Variants in RASSF3 observed in about 807,000 individuals in gnomAD.
RASSF3 encodes ras association domain-containing protein 3.
RASSF3 carries 19 observed loss-of-function variants against 19.9 expected under a neutral mutation model. The ratio of observed to expected loss-of-function variants is 0.96; its 90% CI spans 0.67 to 1.40. RASSF3 has a LOEUF of 1.40. RASSF3 is among the 40% of genes most tolerant of loss of function. The pLI, the probability that RASSF3 is intolerant of heterozygous loss-of-function variation, is 0.00. For synonymous variants in RASSF3, 110 were observed against 104.2 expected (o/e 1.06, Z -0.34); for missense variants, 306 against 289.8 (o/e 1.06, Z -0.41).
At chr12:64,669,896 A>C (rs1467386799) in intron 1 of RASSF3, among the ~76,000 whole-genome samples, 1 of 151,904 alleles carries the variant, frequency 6.6e-6, no homozygotes, top group Non-Finnish European at 1.5e-5. Context: ...TTACCAAAAA[A>C]AAAAAAAAAA....
intron 2 of RASSF3, among the ~76,000 whole-genome samples, chr12:64,582,347 A>T (rs1869718008): frequency 6.6e-6 from 1 of 152,216 alleles, no homozygotes; most frequent in African/African-American, 2.4e-5. Flanking sequence ...TGACAGCACC[A>T]GCCTGCTCAG....
downstream of RASSF3, among the ~76,000 whole-genome samples, chr12:64,545,010 G>T (rs189635856): frequency 6.6e-6 from 1 of 152,338 alleles, no homozygotes; most frequent in East Asian, 1.9e-4. Flanking sequence ...AATCTGTAAA[G>T]GGCATGAACA....
intron 1 of RASSF3, among the ~76,000 whole-genome samples, chr12:64,612,855 C>A (rs1870419257): frequency 6.6e-6 from 1 of 152,086 alleles, no homozygotes; most frequent in Non-Finnish European, 1.5e-5. Context: ...TATTATTTAG[C>A]ATTTAGAATT....
chr12:64,522,535 T>A (rs1277441996), intron 1 of RASSF3, among the ~76,000 whole-genome samples: 1 of 152,114 alleles, frequency 6.6e-6, no homozygotes, highest in African/African-American at 2.4e-5. Flanking sequence ...ACATAAACAC[T>A]AGCACCTACC....
intron 1 of RASSF3, among the ~76,000 whole-genome samples, chr12:64,520,555 C>CACACATATATATAT (rs1435123674): frequency 4.3e-4 from 37 of 86,322 alleles, no homozygotes; most frequent in East Asian, 1.8e-3. Context: ...CACATACACA[C>CACACATATATATAT]ATATATATAT....
intron 1 of RASSF3, among the ~76,000 whole-genome samples, chr12:64,651,660 G>GGTT (rs1197504388): frequency 6.6e-6 from 1 of 151,796 alleles, no homozygotes; most frequent in East Asian, 1.9e-4. Flanking sequence ...ATGCCTGGCT[G>GGTT]GTTGTTGTTG....
At chr12:64,553,253 A>G (rs1469541649) in intron 2 of RASSF3, among the ~76,000 whole-genome samples, 1 of 152,190 alleles carries the variant, frequency 6.6e-6, no homozygotes, top group Non-Finnish European at 1.5e-5. Context: ...CATTATTAGA[A>G]GTCCAGTTCA....
chr12:64,623,944 C>T (rs1191779638), intron 1 of RASSF3, among the ~76,000 whole-genome samples: 5 of 151,846 alleles, frequency 3.3e-5, no homozygotes, highest in African/African-American at 4.9e-5. Flanking sequence ...CCACCATGTC[C>T]GGCCATATTT....
intron 2 of RASSF3, among the ~76,000 whole-genome samples, chr12:64,578,871 A>G (rs995327543): frequency 1.3e-5 from 2 of 152,050 alleles, no homozygotes; most frequent in Non-Finnish European, 2.9e-5. Flanking sequence ...TTGGCTGGGC[A>G]TGGTGGCTCA....
intron 2 of RASSF3, among the ~76,000 whole-genome samples, chr12:64,558,083 T>C (rs1401197644): frequency 6.6e-6 from 1 of 152,172 alleles, no homozygotes; most frequent in African/African-American, 2.4e-5. Flanking sequence ...TATAGTAGGC[T>C]TGCCAAAAAG....
At chr12:64,533,911 G>A (rs569895006) in intron 1 of RASSF3, among the ~76,000 whole-genome samples, 4 of 152,234 alleles carry the variant, frequency 2.6e-5, no homozygotes, top group South Asian at 2.1e-4. Flanking sequence ...CTGCGGCTTC[G>A]GGAAATGGGT....
intron 1 of RASSF3, among the ~76,000 whole-genome samples, chr12:64,636,588 G>A (rs937493266): frequency 6.6e-6 from 1 of 151,942 alleles, no homozygotes; most frequent in Admixed American, 6.6e-5. Context: ...TAAAGTAGCC[G>A]GGCGCGGTGG....
Position 64,511,119 on chromosome 12 carries a change from G to A in RASSF3, c.169+3790G>A, listed in dbSNP as rs375834934. Among the ~76,000 whole-genome samples, 23 of 152,358 alleles carry A rather than the reference G, an allele frequency of 1.5e-4. No homozygotes were observed. The East Asian group carries it at 4.2e-3, about 28-fold the overall frequency. The stretch of plus-strand genomic sequence containing the variant: ...TAATAAAAGTGGCAGCAGAGTTGCT[G>A]AAGAGCGGCATGGAGGAAAGTTTCT... On this transcript the variant is annotated intron_variant, in intron 1 of 5. Coordinates refer to the RASSF3 transcript ENST00000637125.
chr12:64,648,489 G>A lies in RASSF3; in HGVS notation c.112-36298G>A, dbSNP rs117136484. On this transcript the variant is annotated intron_variant, in intron 1 of 4. Transcript: ENST00000542104. ...TCTAGGGCATAGTGGGTTAACCAGC[G>A]GTGGGTGTGGTGTCAGAATCACTCA... 7.7e-3 allele frequency among the ~76,000 whole-genome samples: 1,170 copies of A among 152,140 alleles called. 8 individuals are homozygous for A. Among genetic ancestry groups the A allele is most frequent in the Non-Finnish European group, 0.012 (833 of 68,000 alleles).
Position 64,566,487 on chromosome 12 carries a change from A to G in RASSF3, c.294+24782A>G, listed in dbSNP as rs1869433093. 2.0e-5 allele frequency among the ~76,000 whole-genome samples: 3 copies of G among 152,308 alleles called. No individual in the cohort carries two copies. In the South Asian group the frequency reaches 6.2e-4, roughly 32 times the overall value. On this transcript the variant is annotated intron_variant, in intron 2 of 5. Coordinates refer to the RASSF3 transcript ENST00000637125. ...TGGGAACTCGGCAAGTATATCAAAC[A>G]GACCTGGATGCCTGAAAAGGTCCTG...
chr12:64,543,480 CCCCCA>C, downstream of RASSF3, among the ~76,000 whole-genome samples: 1 of 80,154 alleles, frequency 1.2e-5, no homozygotes, highest in Non-Finnish European at 2.5e-5. Context: ...GCCTGCCCAC[CCCCCA>C]CTCCCCCACT....
At chr12:64,558,583 G>A (rs1869294063) in intron 2 of RASSF3, among the ~76,000 whole-genome samples, 1 of 152,152 alleles carries the variant, frequency 6.6e-6, no homozygotes, top group Non-Finnish European at 1.5e-5. Flanking sequence ...AAAAGGGCTG[G>A]CGTAACTCAA....
intron 1 of RASSF3, among the ~76,000 whole-genome samples, chr12:64,526,282 T>C (rs562841411): frequency 2.0e-5 from 3 of 152,240 alleles, no homozygotes; most frequent in African/African-American, 7.2e-5. Context: ...CTCATTAATA[T>C]ATGCATTGTC....
At chr12:64,607,118 C>T (rs542542741), upstream of RASSF3, among the ~76,000 whole-genome samples, 1 of 150,564 alleles carries the variant, frequency 6.6e-6, no homozygotes, top group Admixed American at 6.6e-5. Flanking sequence ...CTTGTCTCTA[C>T]AAAAAAAATA....
Sources: gnomAD v4.1 joint callset for allele counts (sites outside exome capture counted in the v4.1 genomes callset) on GRCh38, gnomAD v4.1.1 for gene constraint, MANE v1.5 for transcripts, NCBI Gene and HGNC (gene_info 2026-07-23, HGNC 2026-07-21) for gene names.